The following TLN2 variants were observed in gnomAD, a reference collection of about 807,000 sequenced individuals.
The protein encoded by TLN2 is talin 2, also known as talin-2.
A neutral mutation model predicts 294.7 loss-of-function variants in TLN2; 118 were observed. The observed-to-expected ratio is 0.40, with a 90% CI of 0.34 to 0.47. TLN2 has a LOEUF of 0.47. TLN2 is among the 20% of genes least tolerant of loss of function. The probability of loss-of-function intolerance (pLI) is 0.84; values close to 1 mark genes in which losing one functional copy is unlikely to be tolerated. For missense variants in TLN2, 3,083 were observed against 3,282.2 expected, an observed-to-expected ratio of 0.94 and a Z score of 1.48; for synonymous variants, 1,431 against 1,304.5, an observed-to-expected ratio of 1.10 and a Z score of -2.09.
At chr15:62,640,727 C>T (rs914503841) in intron 3 of TLN2, among the ~76,000 whole-genome samples, 4 of 152,168 alleles carry the variant, frequency 2.6e-5, no homozygotes, top group African/African-American at 9.7e-5. Flanking sequence ...TCAGAAAGTT[C>T]TGTGTCTAGG....
chr15:62,802,411 TACAC>T (rs60573464), intron 50 of TLN2, among the ~76,000 whole-genome samples: 45,513 of 149,688 alleles, frequency 0.3, 7,301 homozygotes, highest in Middle Eastern at 0.5. Context: ...TATACAATGG[TACAC>T]ACACACACAC....
rs2038419580 is a variant in TLN2, at chr15:62,486,675, AC to A, written c.-238+95991del. Among the ~76,000 whole-genome samples the A allele has an allele frequency of 5.9e-5, 9 of 152,108 alleles. 1 individual carries two copies. In the South Asian group the frequency reaches 1.9e-3, roughly 32 times the overall value. ...ATGTCATTTTGCCTCATTACTGGAG[AC>A]ATTAGCTTCAATCCCTTGGTTAATG... On this transcript the variant is annotated intron_variant, in intron 1 of 58. Transcript: ENST00000636159.
intron 36 of TLN2, 112 bp downstream of exon 36, chr15:62,754,028 G>A: frequency 3.0e-6 from 4 of 1,337,418 alleles, no homozygotes; most frequent in Non-Finnish European, 3.9e-6. Context: ...AGCTTGCAAA[G>A]GTAGCTAAAT....
At chr15:62,526,468 C>T (rs188703215) in intron 1 of TLN2, among the ~76,000 whole-genome samples, 4 of 152,156 alleles carry the variant, frequency 2.6e-5, no homozygotes, top group Non-Finnish European at 4.4e-5. Context: ...GCTGGAACTT[C>T]GCTTCCGCAT....
chr15:62,488,475 A>G (rs749986662), intron 1 of TLN2, among the ~76,000 whole-genome samples: 13 of 152,220 alleles, frequency 8.5e-5, no homozygotes, highest in Non-Finnish European at 1.3e-4. Context: ...TTTTGTAATA[A>G]AAGTTCATCC....
chr15:62,699,795 CT>C (rs2058600652), intron 16 of TLN2, among the ~76,000 whole-genome samples: 1 of 152,250 alleles, frequency 6.6e-6, no homozygotes, highest in South Asian at 2.1e-4. Context: ...ATCCTAGGAA[CT>C]TTAAAAACAA....
intron 1 of TLN2, among the ~76,000 whole-genome samples, chr15:62,546,915 C>T (rs748240833): frequency 6.6e-6 from 1 of 152,172 alleles, no homozygotes; most frequent in African/African-American, 2.4e-5. Flanking sequence ...GCCCTTGGTC[C>T]GTAATACTGC....
chr15:62,758,209 C>T (rs896424243), intron 37 of TLN2, among the ~76,000 whole-genome samples: 1 of 151,950 alleles, frequency 6.6e-6, no homozygotes, highest in Non-Finnish European at 1.5e-5. Flanking sequence ...GAGCAGATTA[C>T]CTCACACAGT....
intron 11 of TLN2, among the ~76,000 whole-genome samples, chr15:62,686,274 G>A (rs927444647): frequency 1.3e-5 from 2 of 152,188 alleles, no homozygotes; most frequent in African/African-American, 4.8e-5. Context: ...ATTAACCCTT[G>A]TTTGTTACTC....
chr15:62,489,323 A>G (rs1361518548), intron 1 of TLN2, among the ~76,000 whole-genome samples: 1 of 152,240 alleles, frequency 6.6e-6, no homozygotes, highest in Non-Finnish European at 1.5e-5. Context: ...AGGTTACACA[A>G]CAAACTCAGG....
chr15:62,523,609 A>G (rs1159840537), intron 1 of TLN2, among the ~76,000 whole-genome samples: 1 of 152,266 alleles, frequency 6.6e-6, no homozygotes, highest in Non-Finnish European at 1.5e-5. Context: ...CGTAAGTGGG[A>G]GAATTTATCC....
chr15:62,634,821 C>T (rs750754343), intron 3 of TLN2, among the ~76,000 whole-genome samples: 9 of 152,238 alleles, frequency 5.9e-5, no homozygotes, highest in Non-Finnish European at 1.2e-4. Flanking sequence ...GCTCACCATG[C>T]ACATCCACAT....
chr15:62,628,613 TAGA>T (rs948304508), intron 3 of TLN2, among the ~76,000 whole-genome samples: 1 of 152,238 alleles, frequency 6.6e-6, no homozygotes, highest in Admixed American at 6.5e-5. Context: ...GATCTAGGAT[TAGA>T]AGAAGGGGTG....
At chr15:62,700,938 T>C (rs542316094) in intron 16 of TLN2, among the ~76,000 whole-genome samples, 168 bp from the exon 17 acceptor site, 55 of 152,330 alleles carry the variant, frequency 3.6e-4, no homozygotes, top group African/African-American at 1.3e-3. Context: ...TCTTGCTCCT[T>C]AAGAGGCCTG....
chr15:62,761,588 G>A (rs1047691053), intron 37 of TLN2, 93 bp from the exon 38 acceptor site: 47 of 1,557,200 alleles, frequency 3.0e-5, no homozygotes, highest in Middle Eastern at 1.9e-4. Flanking sequence ...TGTTCCGGTT[G>A]AACCACCTTC....
intron 1 of TLN2, among the ~76,000 whole-genome samples, chr15:62,410,014 C>T (rs570796198): frequency 2.0e-5 from 3 of 152,114 alleles, no homozygotes; most frequent in South Asian, 2.1e-4. Flanking sequence ...GAGGCCGAGG[C>T]GGGTGGATCA....
intron 1 of TLN2, among the ~76,000 whole-genome samples, chr15:62,548,340 C>T (rs768172304): frequency 6.6e-6 from 1 of 152,066 alleles, no homozygotes; most frequent in African/African-American, 2.4e-5. Flanking sequence ...CTAAGAGAAT[C>T]GGGTAAAATG....
chr15:62,498,639 C>G (rs1396673802), intron 1 of TLN2, among the ~76,000 whole-genome samples: 2 of 152,210 alleles, frequency 1.3e-5, no homozygotes, highest in Non-Finnish European at 2.9e-5. Context: ...GATGATATCC[C>G]AGTGTCTGTC....
intron 54 of TLN2, chr15:62,824,158 C>A: frequency 2.9e-6 from 1 of 340,840 alleles, no homozygotes; most frequent in Admixed American, 4.3e-5. Flanking sequence ...TCCATTTCTT[C>A]TTATAGCATT....
Sources: allele counts gnomAD v4.1 joint callset (sites outside exome capture counted in the v4.1 genomes callset), GRCh38; gene constraint gnomAD v4.1.1; transcripts MANE v1.5; gene names NCBI Gene and HGNC (gene_info 2026-07-23, HGNC 2026-07-21).